PCDHA3: variants seen among roughly 807,000 people sequenced by gnomAD.
PCDHA3 encodes the protein protocadherin alpha-3.
A neutral mutation model predicts 62.2 loss-of-function variants in PCDHA3; 41 were observed. That is an observed-to-expected ratio of 0.66 (90% CI 0.51 to 0.86). The LOEUF is 0.86. PCDHA3 is among the 40% of genes least tolerant of loss of function. PCDHA3 has a pLI of 0.00. For synonymous variants in PCDHA3, 640 were observed against 555.4 expected (o/e 1.15, Z -2.14); for missense variants, 1,304 against 1,241.2 (o/e 1.05, Z -0.76).
intron 1 of PCDHA3, among the ~76,000 whole-genome samples, chr5:140,959,259 C>T (rs781794121): frequency 4.6e-5 from 7 of 152,040 alleles, no homozygotes; most frequent in African/African-American, 7.2e-5. Flanking sequence ...TGACTGTAGT[C>T]CCAGCTACCC....
Position 140,828,799 on chromosome 5 carries a change from T to C in PCDHA3, c.2394+25208T>C, listed in dbSNP as rs112419059. 8.7e-3 allele frequency: 14,110 copies of C among 1,614,220 alleles called. 76 individuals carry two copies. The highest frequency in any genetic ancestry group is 0.011 in the Non-Finnish European group (12,596 of 1,180,026). ...TGCTGGTCACAGTGCTGGATGTGAATGATAATGCTCCCACTTTCGAACAGT... is the reference window on the plus strand; with the variant it reads ...TGCTGGTCACAGTGCTGGATGTGAACGATAATGCTCCCACTTTCGAACAGT... On this transcript the variant is annotated intron_variant, in intron 1 of 3. Coordinates refer to ENST00000522353, the MANE Select transcript of PCDHA3 (RefSeq NM_018906.3).
chr5:140,931,430 A>G (rs1431087207), intron 1 of PCDHA3, among the ~76,000 whole-genome samples: 2 of 149,950 alleles, frequency 1.3e-5, no homozygotes, highest in Non-Finnish European at 3.0e-5. Flanking sequence ...AGTTAGAAGG[A>G]AAATTAGCTA....
At chr5:140,930,258 ATTTCT>A (rs1398620749) in intron 1 of PCDHA3, 6 of 152,342 alleles carry the variant, frequency 3.9e-5, no homozygotes, top group African/African-American at 1.4e-4. Flanking sequence ...CTTGGATTTA[ATTTCT>A]TTTATTTTAG....
intron 1 of PCDHA3, among the ~76,000 whole-genome samples, chr5:140,902,203 CT>C (rs148688132): frequency 0.19 from 23,745 of 124,094 alleles, 1,540 homozygotes; most frequent in African/African-American, 0.29. Flanking sequence ...CTCTCTCTTT[CT>C]TTTTTTTTTT....
chr5:140,881,179 C>A (rs550594918), intron 1 of PCDHA3, among the ~76,000 whole-genome samples: 4 of 152,240 alleles, frequency 2.6e-5, no homozygotes, highest in African/African-American at 7.2e-5. Flanking sequence ...CTTTTCCTTG[C>A]TAAAGATATG....
intron 1 of PCDHA3, chr5:140,841,176 A>C (rs1194944312): frequency 9.2e-6 from 10 of 1,081,656 alleles, no homozygotes; most frequent in East Asian, 2.6e-5. Flanking sequence ...TGGTTGGTCA[A>C]TGTTCAAAGT....
In PCDHA3 at chr5:140,927,795, G is replaced by T; in HGVS notation, c.2395-51154G>T. ...TGCAAGTAGCTGCTTCACTAGGTCC[G>T]CCTGAAACGCTCTTGGAGGCATACA... On this transcript the variant is annotated intron_variant, in intron 1 of 3. Transcript: ENST00000522353. The T allele has an allele frequency of 1.9e-6, 3 of 1,614,144 alleles. 1 individual carries two copies. The highest frequency in any genetic ancestry group is 2.2e-5 in the South Asian group (2 of 91,080).
chr5:140,841,675 T>C (rs2150320492), intron 1 of PCDHA3: 8 of 1,613,878 alleles, frequency 5.0e-6, no homozygotes, highest in East Asian at 2.2e-5. Context: ...AGGTTTTCCA[T>C]GTGGACGTGG....
intron 1 of PCDHA3, chr5:140,884,750 A>T (rs1032518651): frequency 8.1e-5 from 116 of 1,431,120 alleles, no homozygotes; most frequent in Non-Finnish European, 1.2e-5. Context: ...TGCCAATTTC[A>T]AATTATTCTT....
chr5:140,876,961 C>G (rs782051302), intron 1 of PCDHA3: 16 of 1,613,036 alleles, frequency 9.9e-6, no homozygotes, highest in South Asian at 8.8e-5. Context: ...GCTGGTGGAG[C>G]GGCGGGTGGG....
At chr5:140,925,955 G>T (rs1350124934) in intron 1 of PCDHA3, among the ~76,000 whole-genome samples, 1 of 152,076 alleles carries the variant, frequency 6.6e-6, no homozygotes. Context: ...AGGAGAAACT[G>T]CTATCACGCA....
chr5:140,869,125 G>T (rs371936789), intron 1 of PCDHA3: 4 of 1,611,550 alleles, frequency 2.5e-6, no homozygotes, highest in East Asian at 4.5e-5. Context: ...TCAGAGAAGG[G>T]GATTGGGCAC....
chr5:140,905,231 A>G (rs2071692761), intron 1 of PCDHA3, among the ~76,000 whole-genome samples: 1 of 152,180 alleles, frequency 6.6e-6, no homozygotes, highest in African/African-American at 2.4e-5. Flanking sequence ...AGAGATGAGG[A>G]TCCAGTTTCA....
intron 1 of PCDHA3, chr5:140,876,058 C>A (rs781906188): frequency 1.2e-6 from 2 of 1,613,750 alleles, no homozygotes; most frequent in African/African-American, 1.3e-5. Flanking sequence ...TGAATTAGTT[C>A]TTCGGAAGTT....
At chr5:140,834,387 G>C in intron 1 of PCDHA3, 1 of 1,584,008 alleles carries the variant, frequency 6.3e-7, no homozygotes, top group South Asian at 1.2e-5. Flanking sequence ...ATTTGAAATG[G>C]TGTGCCCGAA....
At chr5:140,997,668 T>TTA (rs2097778675) in intron 3 of PCDHA3, among the ~76,000 whole-genome samples, 1 of 148,244 alleles carries the variant, frequency 6.7e-6, no homozygotes, top group African/African-American at 2.5e-5. Flanking sequence ...ATTATACAGC[T>TTA]TGTGTGTGTG....
intron 3 of PCDHA3, among the ~76,000 whole-genome samples, chr5:140,983,949 T>TA (rs1554245835): frequency 1.3e-5 from 2 of 152,176 alleles, no homozygotes. Flanking sequence ...ACAATTCAAC[T>TA]AAAAGTCACA....
At chr5:140,969,236 G>A (rs782453054) in intron 1 of PCDHA3, 5 of 1,614,052 alleles carry the variant, frequency 3.1e-6, no homozygotes, top group Non-Finnish European at 4.2e-6. Flanking sequence ...GGGAGCCCAA[G>A]CAGCAGTGAC....
chr5:140,882,582 A>G (rs1554174663), intron 1 of PCDHA3: 1 of 1,614,114 alleles, frequency 6.2e-7, no homozygotes, highest in East Asian at 2.2e-5. Context: ...TGCAGCATCC[A>G]CCTGGAGGTG....
Sources: gnomAD v4.1 joint callset for allele counts (sites outside exome capture counted in the v4.1 genomes callset) on GRCh38, gnomAD v4.1.1 for gene constraint, MANE v1.5 for transcripts, NCBI Gene and HGNC (gene_info 2026-07-23, HGNC 2026-07-21) for gene names.